CD2AP: variants seen among roughly 807,000 people sequenced by gnomAD.
The protein encoded by CD2AP is CD2-associated protein.
CD2AP carries 46 observed loss-of-function variants against 85.1 expected under a neutral mutation model. The ratio of observed to expected loss-of-function variants is 0.54; its 90% CI spans 0.43 to 0.69. The LOEUF is 0.69. Ranked by LOEUF, CD2AP falls within the 30% of genes least tolerant of loss-of-function variation. The pLI is 0.00. For synonymous variants in CD2AP, 255 were observed against 252.9 expected (o/e 1.01, Z -0.08); for missense variants, 769 against 729.5 (o/e 1.05, Z -0.62).
At chr6:47,487,300 C>T (rs1031318761) in intron 1 of CD2AP, among the ~76,000 whole-genome samples, 5 of 152,096 alleles carry the variant, frequency 3.3e-5, no homozygotes, top group African/African-American at 9.6e-5. Context: ...CAAGTTAGCC[C>T]TTTTTTCTCA....
chr6:47,514,494 A>G (rs1766402146), intron 2 of CD2AP, among the ~76,000 whole-genome samples: 1 of 152,232 alleles, frequency 6.6e-6, no homozygotes, highest in Non-Finnish European at 1.5e-5. Flanking sequence ...TGGCTAGTTC[A>G]TATTTGGCAC....
intron 5 of CD2AP, among the ~76,000 whole-genome samples, chr6:47,571,808 T>A (rs185346091): frequency 6.6e-6 from 1 of 152,264 alleles, no homozygotes; most frequent in East Asian, 1.9e-4. Flanking sequence ...GGCAATTCAG[T>A]AGAGAGGCGA....
intron 5 of CD2AP, among the ~76,000 whole-genome samples, chr6:47,560,290 A>G (rs898140053): frequency 8.5e-5 from 13 of 152,254 alleles, no homozygotes; most frequent in Admixed American, 4.6e-4. Context: ...CTCTTATGTA[A>G]CTACAGTACA....
At chr6:47,527,163 CA>C (rs1766753273) in intron 2 of CD2AP, among the ~76,000 whole-genome samples, 1 of 151,606 alleles carries the variant, frequency 6.6e-6, no homozygotes, top group Non-Finnish European at 1.5e-5. Context: ...TTTTTTTGAA[CA>C]GTTACATGAA....
chr6:47,488,866 G>A (rs1198420843), intron 1 of CD2AP, among the ~76,000 whole-genome samples: 1 of 152,102 alleles, frequency 6.6e-6, no homozygotes, highest in Non-Finnish European at 1.5e-5. Flanking sequence ...ACTCCAGCCT[G>A]TGCAACTGAG....
At chr6:47,536,840 A>C (rs571993705) in intron 3 of CD2AP, among the ~76,000 whole-genome samples, 16 of 152,306 alleles carry the variant, frequency 1.1e-4, no homozygotes, top group Admixed American at 8.5e-4. Flanking sequence ...ATGGTAAAAT[A>C]TTGTGTTTAG....
chr6:47,531,088 CA>C (rs1289171548), intron 2 of CD2AP, among the ~76,000 whole-genome samples: 16 of 146,688 alleles, frequency 1.1e-4, no homozygotes, highest in Non-Finnish European at 1.2e-4. Context: ...TATCTCTACC[CA>C]AAAAAAAAAT....
At chr6:47,493,354 G>GTT (rs11420174) in intron 1 of CD2AP, among the ~76,000 whole-genome samples, 1,722 of 144,464 alleles carry the variant, frequency 0.012, 21 homozygotes, top group African/African-American at 0.032. Flanking sequence ...CTAGGTTGGT[G>GTT]TTTTTTTTTT....
intron 1 of CD2AP, among the ~76,000 whole-genome samples, chr6:47,492,091 C>A (rs997178439): frequency 6.6e-6 from 1 of 152,028 alleles, no homozygotes; most frequent in African/African-American, 2.4e-5. Flanking sequence ...TACTTTGAAA[C>A]TTTGACCGTT....
chr6:47,582,111 T>G, intron 11 of CD2AP, 46 bp downstream of exon 11: 2 of 1,155,254 alleles, frequency 1.7e-6, no homozygotes, highest in East Asian at 4.7e-5. Context: ...TTTCTTTTAT[T>G]GTCATTTTAA....
chr6:47,480,291 T>C (rs897189952), intron 1 of CD2AP, among the ~76,000 whole-genome samples: 2 of 152,244 alleles, frequency 1.3e-5, no homozygotes, highest in African/African-American at 4.8e-5. Flanking sequence ...GTTTGCTCTT[T>C]AATATAAATC....
At chr6:47,578,912 C>A (rs1768385125) in intron 8 of CD2AP, among the ~76,000 whole-genome samples, 1 of 152,160 alleles carries the variant, frequency 6.6e-6, no homozygotes, top group African/African-American at 2.4e-5. Flanking sequence ...CCACCTCAGC[C>A]TCCTAAAATG....
chr6:47,529,748 A>G (rs866504745), intron 2 of CD2AP, among the ~76,000 whole-genome samples: 34 of 152,216 alleles, frequency 2.2e-4, no homozygotes, highest in Middle Eastern at 6.8e-3. Context: ...TTCCTTGTAC[A>G]TTGTTTTGCT....
chr6:47,586,866 GT>G (rs1554182082), intron 11 of CD2AP, among the ~76,000 whole-genome samples: 1 of 152,156 alleles, frequency 6.6e-6, no homozygotes, highest in Non-Finnish European at 1.5e-5. Flanking sequence ...TGGTTTTGGA[GT>G]TTTAGGGTAG....
At chr6:47,619,572 G>A (rs1385028992) in intron 17 of CD2AP, among the ~76,000 whole-genome samples, 1 of 152,056 alleles carries the variant, frequency 6.6e-6, no homozygotes, top group African/African-American at 2.4e-5. Context: ...CTTTTCCTCT[G>A]GGTAGATACC....
At position 47,536,636 on chromosome 6, in the gene CD2AP, A is replaced by G. The variant is rs1767054978; in HGVS notation, c.319+2881A>G. On this transcript the variant is annotated intron_variant, in intron 3 of 17. Coordinates refer to ENST00000359314, the MANE Select transcript of CD2AP (RefSeq NM_012120.3). ...CTTTTGCTATGATCCATTGCTAAGC[A>G]TGGTAGCTCATTTGGTAAAACAAAG... Among the ~76,000 whole-genome samples the G allele has an allele frequency of 2.0e-5, 3 of 152,232 alleles. No homozygotes were observed. In the South Asian group the frequency reaches 6.2e-4, roughly 32 times the overall value.
At chr6:47,601,381 C>A (rs1769126821) in intron 13 of CD2AP, among the ~76,000 whole-genome samples, 1 of 151,922 alleles carries the variant, frequency 6.6e-6, no homozygotes, top group South Asian at 2.1e-4. Context: ...TACTTTCAGG[C>A]TGCTGTTCTT....
At chr6:47,585,417 T>C (rs868104141) in intron 11 of CD2AP, among the ~76,000 whole-genome samples, 6 of 151,908 alleles carry the variant, frequency 3.9e-5, no homozygotes, top group South Asian at 2.1e-4. Context: ...ACTGGAAAAT[T>C]GGACAAAATG....
In CD2AP at chr6:47,527,056, A is replaced by C. The variant is rs1766748627; in HGVS notation, c.166-6546A>C. Among the ~76,000 whole-genome samples the C allele has an allele frequency of 2.0e-5, 3 of 152,160 alleles. No individual in the cohort carries two copies. The South Asian group carries it at 6.2e-4, about 32-fold the overall frequency. The stretch of plus-strand genomic sequence containing the variant: ...GTATCTTTCATGTTTTGTACTTAGT[A>C]ATTTTTCAAAATTCTCTACCCACTT... On this transcript the variant is annotated intron_variant, in intron 2 of 17. Transcript: ENST00000359314.
Sources: gnomAD v4.1 joint callset for allele counts (sites outside exome capture counted in the v4.1 genomes callset) on GRCh38, gnomAD v4.1.1 for gene constraint, MANE v1.5 for transcripts, NCBI Gene and HGNC (gene_info 2026-07-23, HGNC 2026-07-21) for gene names.